Variants in VGLL4 observed in about 807,000 individuals in gnomAD.
VGLL4 encodes the protein transcription cofactor vestigial-like protein 4.
In VGLL4, 7 loss-of-function variants were observed where a neutral mutation model predicts 21.0. The ratio of observed to expected loss-of-function variants is 0.33; its 90% CI spans 0.19 to 0.63. The LOEUF (loss-of-function observed/expected upper bound fraction) is 0.63. Ranked by LOEUF, VGLL4 falls within the 20% of genes least tolerant of loss-of-function variation. The pLI, the probability that VGLL4 is intolerant of heterozygous loss-of-function variation, is 0.78. For synonymous variants in VGLL4, 222 were observed against 173.2 expected, an observed-to-expected ratio of 1.28 and a Z score of -2.21; for missense variants, 394 against 425.7, an observed-to-expected ratio of 0.93 and a Z score of 0.66.
chr3:11,584,013 C>G (rs966468635), intron 2 of VGLL4, among the ~76,000 whole-genome samples: 2 of 152,198 alleles, frequency 1.3e-5, no homozygotes, highest in African/African-American at 4.8e-5. Flanking sequence ...AGGTGTTACA[C>G]AATACATTTC....
In VGLL4 at chr3:11,679,974, G is replaced by A. The variant is rs2076347538; in HGVS notation, c.64+22997C>T. 2.6e-5 allele frequency among the ~76,000 whole-genome samples: 4 copies of A among 152,176 alleles called. No individual in the cohort carries two copies. The South Asian group carries it at 8.3e-4, about 31-fold the overall frequency. ...TCACTCACCACTCACTACTCACCCA[G>A]TGCAACTTCCAGTCATGGTAAGTGC... On this transcript the variant is annotated intron_variant, in intron 2 of 5. Transcript: ENST00000273038.
At chr3:11,701,608 T>A (rs2076681742) in intron 2 of VGLL4, among the ~76,000 whole-genome samples, 3 of 152,148 alleles carry the variant, frequency 2.0e-5, no homozygotes, top group Admixed American at 2.0e-4. Flanking sequence ...CCGTTAATCC[T>A]CATCAACACT....
intron 1 of VGLL4, among the ~76,000 whole-genome samples, chr3:11,629,459 G>C (rs533448620): frequency 3.3e-5 from 5 of 151,884 alleles, no homozygotes; most frequent in Non-Finnish European, 7.4e-5. Flanking sequence ...AAGATACATA[G>C]AATCCACATA....
chr3:11,680,655 C>T (rs944295487), intron 2 of VGLL4, among the ~76,000 whole-genome samples: 2 of 152,284 alleles, frequency 1.3e-5, no homozygotes, highest in South Asian at 2.1e-4. Context: ...AGTAACATTC[C>T]GAGTAAAACG....
chr3:11,562,039 A>G (rs566219736), intron 3 of VGLL4, among the ~76,000 whole-genome samples: 1 of 151,864 alleles, frequency 6.6e-6, no homozygotes, highest in Non-Finnish European at 1.5e-5. Flanking sequence ...CTGGGATTAC[A>G]GGCACCCACC....
At chr3:11,696,523 G>A (rs562819663) in intron 2 of VGLL4, among the ~76,000 whole-genome samples, 1 of 152,296 alleles carries the variant, frequency 6.6e-6, no homozygotes, top group African/African-American at 2.4e-5. Flanking sequence ...TCATCCCAGT[G>A]CATACAACGG....
At chr3:11,610,695 T>C (rs929588998) in intron 1 of VGLL4, 1 of 152,208 alleles carries the variant, frequency 6.6e-6, no homozygotes, top group South Asian at 2.1e-4. Flanking sequence ...TATCTTGGAC[T>C]GCTAATAATA....
intron 1 of VGLL4, among the ~76,000 whole-genome samples, chr3:11,714,453 G>A (rs1254717636): frequency 6.6e-6 from 1 of 152,004 alleles, no homozygotes; most frequent in African/African-American, 2.4e-5. Context: ...CACTTTGGGA[G>A]GCCAAGGCAG....
chr3:11,616,562 C>A (rs530281972), intron 1 of VGLL4, among the ~76,000 whole-genome samples: 2 of 152,330 alleles, frequency 1.3e-5, no homozygotes, highest in South Asian at 4.1e-4. Flanking sequence ...CAGTCCTCAT[C>A]CCAAAACGAT....
intron 2 of VGLL4, among the ~76,000 whole-genome samples, chr3:11,697,795 G>A (rs934384729): frequency 6.6e-6 from 1 of 152,156 alleles, no homozygotes. Context: ...CTTGAAAGGA[G>A]TATGGTAATC....
At chr3:11,656,819 G>A (rs748496054) in intron 2 of VGLL4, among the ~76,000 whole-genome samples, 1 of 152,164 alleles carries the variant, frequency 6.6e-6, no homozygotes, top group Non-Finnish European at 1.5e-5. Context: ...CAGGCTCTCA[G>A]AGAAGCAAGA....
At chr3:11,665,044 T>C (rs1402822906) in intron 2 of VGLL4, among the ~76,000 whole-genome samples, 2 of 151,230 alleles carry the variant, frequency 1.3e-5, no homozygotes, top group Non-Finnish European at 2.9e-5. Flanking sequence ...TTTTGATTAA[T>C]TCCAAAATAA....
intron 3 of VGLL4, among the ~76,000 whole-genome samples, chr3:11,564,204 C>T (rs943499551): frequency 1.3e-5 from 2 of 152,308 alleles, no homozygotes; most frequent in East Asian, 3.9e-4. Context: ...TTTGTTTCTA[C>T]CAAGCAAGCT....
chr3:11,596,151 C>T (rs992051966), intron 2 of VGLL4, among the ~76,000 whole-genome samples: 1 of 152,078 alleles, frequency 6.6e-6, no homozygotes, highest in African/African-American at 2.4e-5. Context: ...TAAAAGCACA[C>T]TTTTTAGTAC....
intron 2 of VGLL4, among the ~76,000 whole-genome samples, chr3:11,655,172 G>T (rs1304256706): frequency 6.6e-6 from 1 of 152,206 alleles, no homozygotes; most frequent in Admixed American, 6.5e-5. Flanking sequence ...TGGTAAATCT[G>T]CAGTAGATGA....
intron 1 of VGLL4, among the ~76,000 whole-genome samples, chr3:11,605,751 A>G (rs1370172158): frequency 5.3e-5 from 8 of 152,148 alleles, no homozygotes; most frequent in Non-Finnish European, 1.0e-4. Context: ...AGCACAACTG[A>G]CCTACTGAAT....
chr3:11,715,687 A>G (rs2076910374), intron 1 of VGLL4, among the ~76,000 whole-genome samples: 1 of 152,168 alleles, frequency 6.6e-6, no homozygotes, highest in African/African-American at 2.4e-5. Context: ...TGAACATTGA[A>G]TTAGTGGATA....
chr3:11,559,957 C>A (rs573387862), intron 3 of VGLL4, among the ~76,000 whole-genome samples: 1 of 152,238 alleles, frequency 6.6e-6, no homozygotes, highest in Non-Finnish European at 1.5e-5. Flanking sequence ...ACCTACAAAT[C>A]GGGACAGAGA....
chr3:11,643,837 C>G lies in VGLL4; in HGVS notation c.-319G>C. 1.3e-5 allele frequency: 14 copies of G among 1,064,664 alleles called. No individual in the cohort carries two copies. The highest frequency in any genetic ancestry group is 1.5e-5 in the Non-Finnish European group (13 of 880,472). The allele number at this position is 1,064,664 out of a possible 1,614,324, so 66.0% of individuals were successfully genotyped here. A position where few individuals can be genotyped will look rare whatever the true frequency, so the allele number is the denominator to read the frequency against. On this transcript the variant is annotated 5_prime_UTR_variant, in exon 1 of 5. Coordinates refer to ENST00000430365, the MANE Select transcript of VGLL4 (RefSeq NM_001128219.3). ...GAAAAGAGTGAAAAAGAGAAACGCGCAGCCCGTTTCCTAGGACAAAGCGGC... is the reference window on the plus strand; with the variant it reads ...GAAAAGAGTGAAAAAGAGAAACGCGGAGCCCGTTTCCTAGGACAAAGCGGC...
Sources: gnomAD v4.1 joint callset for allele counts (sites outside exome capture counted in the v4.1 genomes callset) on GRCh38, gnomAD v4.1.1 for gene constraint, MANE v1.5 for transcripts, NCBI Gene and HGNC (gene_info 2026-07-23, HGNC 2026-07-21) for gene names.